The following ADGRG1 variants were observed in gnomAD, a reference collection of about 807,000 sequenced individuals.
The protein encoded by ADGRG1 is 7-transmembrane protein with no EGF-like N-terminal domains-1.
Under a neutral mutation model 73.5 loss-of-function variants are expected in ADGRG1, and 53 were observed. That is an observed-to-expected ratio of 0.72 (90% CI 0.58 to 0.91). ADGRG1 has a LOEUF of 0.91. ADGRG1 is among the 40% of genes least tolerant of loss of function. ADGRG1 has a pLI of 0.00. For synonymous variants in ADGRG1, 394 were observed against 374.4 expected (o/e 1.05, Z -0.60); for missense variants, 795 against 871.8 (o/e 0.91, Z 1.11).
At chr16:57,622,940 C>T, upstream of ADGRG1, 1 of 985,390 alleles carries the variant, frequency 1.0e-6, no homozygotes, top group Non-Finnish European at 1.2e-6. Flanking sequence ...ACAGGGTGAC[C>T]CTGGGGGAGG....
In ADGRG1 at chr16:57,651,303, C is replaced by G; in HGVS notation, c.168C>G (p.Ile56Met). 1.2e-6 allele frequency: 2 copies of G among 1,614,212 alleles called. No individual in the cohort carries two copies. Among genetic ancestry groups the G allele is most frequent in the Non-Finnish European group, 1.7e-6 (2 of 1,180,028 alleles). The part of the protein sequence containing the change: ...LHYKPTPDLR[I>M]SIENSEEALT... ...ACAAACCCACACCAGACCTGCGCATCTCCATCGAGAACTCCGAAGAGGCCC... is the reference window on the plus strand; with the variant it reads ...ACAAACCCACACCAGACCTGCGCATGTCCATCGAGAACTCCGAAGAGGCCC... The change falls in exon 3 of 14, where the codon ATC (isoleucine) becomes ATG (methionine). Residue 56 changes from isoleucine (I) to methionine (M), a missense_variant. Physicochemically the swap from Ile to Met is conservative, Grantham distance 10. Coordinates refer to ENST00000562631, the MANE Select transcript of ADGRG1 (RefSeq NM_201525.4).
Position 57,663,509 on chromosome 16 carries a change from C to A in ADGRG1, c.1991C>A (p.Ser664Tyr). 1 of 1,613,954 alleles carries A rather than the reference C, an allele frequency of 6.2e-7. No homozygotes were observed. Among genetic ancestry groups the A allele is most frequent in the South Asian group, 1.1e-5 (1 of 91,084 alleles). Residue 664 changes from serine (S) to tyrosine (Y), a missense_variant, in exon 14 of 14, where the codon TCC becomes TAC. Coordinates refer to ENST00000562631, the MANE Select transcript of ADGRG1 (RefSeq NM_201525.4). ...CGGCTGCAGGCCCGGGGTGGCCCCT[C>A]CCCTCTGAAGAGCAACTCAGACAGC... ...SMRLQARGGP[S>Y]PLKSNSDSAR...
Position 57,659,585 on chromosome 16 carries a change from A to C in ADGRG1, c.1459A>C (p.Met487Leu), listed in dbSNP as rs1459264714. ...CTCCCTGCTCACCTGCCTTTCCTGG[A>C]TGGGCCTCGAGGGGTACAACCTCTA... is the stretch of plus-strand genomic sequence containing the variant. ...HFSLLTCLSW[M>L]GLEGYNLYRL... is the part of the protein sequence containing the mutation. The change falls in exon 11 of 14, where the codon ATG becomes CTG. Residue 487 changes from methionine to leucine, a missense_variant. Coordinates refer to ENST00000562631, the MANE Select transcript of ADGRG1 (RefSeq NM_201525.4). The C allele has an allele frequency of 6.2e-7, 1 of 1,613,832 alleles. No homozygotes were observed.
At chr16:57,659,297 A>G (rs2046477070) in intron 10 of ADGRG1, 116 bp from the exon 11 acceptor site, 1 of 1,581,660 alleles carries the variant, frequency 6.3e-7, no homozygotes, top group Non-Finnish European at 8.5e-7. Context: ...GCCATGTATG[A>G]CTGCATGTGT....
At chr16:57,653,363 G>A in intron 4 of ADGRG1, 28 bp downstream of exon 4, 1 of 1,603,802 alleles carries the variant, frequency 6.2e-7, no homozygotes, top group South Asian at 1.1e-5. Context: ...GGCTGTGAGG[G>A]GAGGCAGGAA....
At chr16:57,650,709 C>CTTTTT (rs533496874) in intron 2 of ADGRG1, among the ~76,000 whole-genome samples, 30 of 128,946 alleles carry the variant, frequency 2.3e-4, no homozygotes, top group Non-Finnish European at 4.1e-4. Flanking sequence ...TCAGTTTCCT[C>CTTTTT]TTTTTTTTTT....
Position 57,663,872 on chromosome 16 carries a change from GTC to G in ADGRG1, c.*295_*296del, listed in dbSNP as rs1239925336. The G allele has an allele frequency of 1.8e-5, 9 of 510,428 alleles. No individual in the cohort carries two copies. The highest frequency in any genetic ancestry group is 1.7e-4 in the African/African-American group (9 of 51,852). The allele number at this position is 510,428 out of a possible 1,614,324, so 31.6% of individuals were successfully genotyped here. A position where few individuals can be genotyped will look rare whatever the true frequency, so the allele number is the denominator to read the frequency against. The stretch of plus-strand genomic sequence containing the variant: ...CTGTCCCAACCCAGCTGGAGGCCTG[GTC>G]TCTCCTTACAACCCCTGGGCCCAGC... On this transcript the variant is annotated 3_prime_UTR_variant, in exon 14 of 14. Transcript: ENST00000562631.
At chr16:57,644,218 A>T in intron 1 of ADGRG1, 1 of 983,010 alleles carries the variant, frequency 1.0e-6, no homozygotes, top group Non-Finnish European at 1.2e-6. Flanking sequence ...GCACGGGCAC[A>T]CGCACTCATG....
chr16:57,633,607 A>G, intron 1 of ADGRG1: 4 of 651,326 alleles, frequency 6.1e-6, no homozygotes, highest in Non-Finnish European at 7.6e-6. Context: ...GGCCTGGGAC[A>G]GGTATATTAA....
chr16:57,627,982 C>A (rs2036184101), upstream of ADGRG1: 1 of 984,916 alleles, frequency 1.0e-6, no homozygotes, highest in African/African-American at 1.7e-5. Flanking sequence ...TTTCCAGAAG[C>A]CCCTGGGGTC....
chr16:57,661,801 T>A lies in ADGRG1; in HGVS notation c.1769T>A (p.Ile590Asn), dbSNP rs753525212. The change falls in exon 13 of 14, where the codon ATC becomes AAC. Residue 590 changes from isoleucine to asparagine, a missense_variant. Transcript: ENST00000562631. ...MAMLATMVVQILRLRPHTQKW... is the reference protein window; with the variant it reads ...MAMLATMVVQNLRLRPHTQKW... ...ATGCTAGCCACCATGGTGGTGCAGATCCTGCGGCTGCGCCCCCACACCCAA... is the reference window on the plus strand; with the variant it reads ...ATGCTAGCCACCATGGTGGTGCAGAACCTGCGGCTGCGCCCCCACACCCAA... The A allele has an allele frequency of 1.9e-6, 3 of 1,614,140 alleles. No individual in the cohort carries two copies. In the South Asian group the frequency reaches 3.3e-5, roughly 18 times the overall value.
chr16:57,639,240 C>G (rs2040140500), intron 1 of ADGRG1: 1 of 985,210 alleles, frequency 1.0e-6, no homozygotes, highest in African/African-American at 1.7e-5. Flanking sequence ...TGTCCTAACC[C>G]CTGCCCTCCC....
chr16:57,644,562 C>T (rs980472184), intron 1 of ADGRG1, among the ~76,000 whole-genome samples: 1 of 146,146 alleles, frequency 6.8e-6, no homozygotes, highest in Admixed American at 6.8e-5. Context: ...CACACACGGA[C>T]ACTTATGCAC....
intron 1 of ADGRG1, chr16:57,648,487 C>T: frequency 1.0e-6 from 1 of 973,922 alleles, no homozygotes; most frequent in Non-Finnish European, 1.2e-6. Context: ...GGTTCCATTC[C>T]ACATGGTGGG....
chr16:57,639,543 GAAAAA>G (rs1382819006), intron 1 of ADGRG1: 13 of 985,262 alleles, frequency 1.3e-5, no homozygotes, highest in Non-Finnish European at 1.6e-5. Context: ...CTGTCCTCTT[GAAAAA>G]AGGTGGTCGG....
intron 1 of ADGRG1, chr16:57,634,356 C>T (rs1232410245): frequency 3.0e-6 from 3 of 985,250 alleles, no homozygotes; most frequent in Non-Finnish European, 2.4e-6. Flanking sequence ...CTGAGTCATG[C>T]TCAGCCCTGT....
upstream of ADGRG1, among the ~76,000 whole-genome samples, chr16:57,623,343 G>C (rs1394041205): frequency 6.6e-6 from 1 of 152,212 alleles, no homozygotes; most frequent in Admixed American, 6.5e-5. Flanking sequence ...CAGCGCTTTT[G>C]AAACCAGATG....
upstream of ADGRG1, chr16:57,628,296 C>A: frequency 4.8e-6 from 3 of 628,210 alleles, no homozygotes; most frequent in Non-Finnish European, 6.0e-6. Flanking sequence ...ACCCCGGCCT[C>A]TCTGTGGGAA....
At chr16:57,653,935 G>C (rs979713664) in intron 4 of ADGRG1, 51 bp from the exon 5 acceptor site, 3 of 1,611,544 alleles carry the variant, frequency 1.9e-6, no homozygotes, top group African/African-American at 2.7e-5. Context: ...CAGTCTCCCT[G>C]GTGGCCCGGC....
Sources: gnomAD v4.1 joint callset for allele counts (sites outside exome capture counted in the v4.1 genomes callset) on GRCh38, gnomAD v4.1.1 for gene constraint, MANE v1.5 for transcripts, NCBI Gene and HGNC (gene_info 2026-07-23, HGNC 2026-07-21) for gene names.